Variants in SGPL1 observed in about 807,000 individuals in gnomAD.
The protein encoded by SGPL1 is SP-lyase 1.
In SGPL1, 37 loss-of-function variants were observed where a neutral mutation model predicts 68.9. The observed-to-expected ratio is 0.54, with a 90% confidence interval of 0.41 to 0.71. The LOEUF (loss-of-function observed/expected upper bound fraction) is 0.71. SGPL1 is among the 30% of genes least tolerant of loss of function. The pLI, the probability that SGPL1 is intolerant of heterozygous loss-of-function variation, is 0.00. For synonymous variants in SGPL1, 236 were observed against 248.5 expected (o/e 0.95, Z 0.47); for missense variants, 551 against 704.6 (o/e 0.78, Z 2.47).
At chr10:70,829,848 C>T (rs1396592551) in intron 2 of SGPL1, among the ~76,000 whole-genome samples, 1 of 152,156 alleles carries the variant, frequency 6.6e-6, no homozygotes, top group Non-Finnish European at 1.5e-5. Context: ...GGTCACTGTC[C>T]TTTTCAGATA....
rs549246203 is a variant in SGPL1, at chr10:70,844,419, G to C, written c.28-54G>C. 16 of 1,524,724 alleles carry C rather than the reference G, an allele frequency of 1.0e-5. No individual in the cohort carries two copies. In the African/African-American group the frequency reaches 1.9e-4, roughly 18 times the overall value. 94.4% of individuals were successfully genotyped at this position (1,524,724 alleles called of 1,614,324 possible). A position where few individuals can be genotyped will look rare whatever the true frequency, so the allele number is the denominator to read the frequency against. On this transcript the variant is annotated intron_variant, in intron 2 of 14. Transcript: ENST00000373202. ...AGAGTTGAAGTACAAACTAAGAACA[G>C]ACTTCTTTTCTCTCTCTAAATGTAA...
At chr10:70,837,116 C>T (rs1845638757) in intron 2 of SGPL1, among the ~76,000 whole-genome samples, 1 of 150,470 alleles carries the variant, frequency 6.6e-6, no homozygotes, top group Non-Finnish European at 1.5e-5. Context: ...CTTGCTCTGT[C>T]ACCCAGGCTG....
rs138893106 is a variant in SGPL1, at chr10:70,867,685, G to A, written c.616-660G>A. ...ATTTATAGTCCAGTGAGGGAAATAAGATGAATAAAAAGACCCCTACGTCTT... is the reference window on the plus strand; with the variant it reads ...ATTTATAGTCCAGTGAGGGAAATAAAATGAATAAAAAGACCCCTACGTCTT... On this transcript the variant is annotated intron_variant, in intron 7 of 14. Transcript: ENST00000373202. Among the ~76,000 whole-genome samples, 929 of 152,232 alleles carry A rather than the reference G, an allele frequency of 6.1e-3. 5 individuals carry two copies. Among genetic ancestry groups the A allele is most frequent in the African/African-American group, 0.021 (886 of 41,532 alleles).
At chr10:70,825,287 G>T (rs1051765416) in intron 2 of SGPL1, among the ~76,000 whole-genome samples, 2 of 152,164 alleles carry the variant, frequency 1.3e-5, no homozygotes, top group Non-Finnish European at 2.9e-5. Flanking sequence ...CCTCCCATTG[G>T]TCTAATACAA....
intron 9 of SGPL1, 138 bp downstream of exon 9, chr10:70,870,035 A>G (rs1310193126): frequency 1.7e-6 from 1 of 604,476 alleles, no homozygotes. Context: ...CTGCATTGAT[A>G]GTGGTGATTG....
In SGPL1 at chr10:70,877,288, A is replaced by G. The variant is rs371661185; in HGVS notation, c.1660A>G (p.Thr554Ala). 9 of 1,614,210 alleles carry G rather than the reference A, an allele frequency of 5.6e-6. No homozygotes were observed. The highest frequency in any genetic ancestry group is 5.3e-5 in the African/African-American group (4 of 75,064). Reference protein sequence around the residue: ...VFLDSLYSTDTVTQGSQMNGS... With the variant: ...VFLDSLYSTDAVTQGSQMNGS... ...CTTGGACAGCTTGTACAGCACCGACACTGTCACCCAGGGCAGCCAGATGAA... is the reference window on the plus strand; with the variant it reads ...CTTGGACAGCTTGTACAGCACCGACGCTGTCACCCAGGGCAGCCAGATGAA... The change falls in exon 15 of 15, where the codon ACT (threonine) becomes GCT (alanine). Residue 554 changes from threonine (T) to alanine (A), a missense_variant. Physicochemically the swap from Thr to Ala is moderately conservative, Grantham distance 58 (BLOSUM62 0). Coordinates refer to ENST00000373202, the MANE Select transcript of SGPL1 (RefSeq NM_003901.4).
At chr10:70,853,630 T>C (rs889807400) in intron 4 of SGPL1, among the ~76,000 whole-genome samples, 2 of 152,216 alleles carry the variant, frequency 1.3e-5, no homozygotes, top group Non-Finnish European at 2.9e-5. Context: ...TTGTTCACTA[T>C]GTGTCCCTGG....
chr10:70,867,706 G>A (rs866834231), intron 7 of SGPL1, among the ~76,000 whole-genome samples: 35 of 152,076 alleles, frequency 2.3e-4, no homozygotes, highest in African/African-American at 8.0e-4. Flanking sequence ...AGACCCCTAC[G>A]TCTTTTTGTT....
chr10:70,840,621 T>C (rs1845699509), intron 2 of SGPL1, among the ~76,000 whole-genome samples: 1 of 152,090 alleles, frequency 6.6e-6, no homozygotes, highest in Non-Finnish European at 1.5e-5. Flanking sequence ...CTCAAAAAGC[T>C]TGTCAGGACC....
chr10:70,837,715 A>T (rs1259496128), intron 2 of SGPL1, among the ~76,000 whole-genome samples: 1 of 152,224 alleles, frequency 6.6e-6, no homozygotes, highest in East Asian at 1.9e-4. Context: ...TGGAGATGCC[A>T]TTGCTTTTGA....
At chr10:70,861,662 C>G (rs897342422) in intron 7 of SGPL1, among the ~76,000 whole-genome samples, 1 of 152,224 alleles carries the variant, frequency 6.6e-6, no homozygotes, top group Non-Finnish European at 1.5e-5. Context: ...TGAGCCGGAA[C>G]CAGGGCTGCG....
intron 2 of SGPL1, among the ~76,000 whole-genome samples, chr10:70,840,169 G>A (rs1031197008): frequency 1.2e-4 from 18 of 152,210 alleles, no homozygotes; most frequent in Middle Eastern, 3.4e-3. Context: ...CTCTGCCCAT[G>A]AATACTGAAA....
chr10:70,830,487 A>G (rs1845515865), intron 2 of SGPL1, among the ~76,000 whole-genome samples: 1 of 152,188 alleles, frequency 6.6e-6, no homozygotes, highest in African/African-American at 2.4e-5. Context: ...ATGTTGTAGC[A>G]TGGATCAGAA....
chr10:70,857,528 G>T, intron 5 of SGPL1, 86 bp from the exon 6 acceptor site: 1 of 1,057,806 alleles, frequency 9.5e-7, no homozygotes. Flanking sequence ...TGTATCCAGA[G>T]GAGTTTCTTC....
At chr10:70,847,673 A>G (rs952926765) in intron 3 of SGPL1, among the ~76,000 whole-genome samples, 5 of 152,242 alleles carry the variant, frequency 3.3e-5, no homozygotes, top group Non-Finnish European at 5.9e-5. Context: ...AATTTAGCAC[A>G]TACACACACA....
At position 70,816,784 on chromosome 10, in the gene SGPL1, G is replaced by T; in HGVS notation, c.-43-27G>T. 3 of 1,513,746 alleles carry T rather than the reference G, an allele frequency of 2.0e-6. No individual in the cohort carries two copies. The East Asian group carries it at 6.8e-5, about 34-fold the overall frequency. 93.8% of individuals were successfully genotyped at this position (1,513,746 alleles called of 1,614,324 possible). On this transcript the variant is annotated intron_variant, in intron 1 of 14. Transcript: ENST00000373202. ...GGCGAGACAGTTTAAAGCTCTAGAAGTAAACAAACCTGGTTCCCTTTTACA... is the reference window on the plus strand; with the variant it reads ...GGCGAGACAGTTTAAAGCTCTAGAATTAAACAAACCTGGTTCCCTTTTACA...
intron 8 of SGPL1, chr10:70,869,332 G>A (rs1257564478): frequency 6.6e-6 from 1 of 152,506 alleles, no homozygotes; most frequent in African/African-American, 2.4e-5. Context: ...TTCAGAGTTG[G>A]AAGGGGCCAC....
At chr10:70,872,061 C>T in intron 11 of SGPL1, 75 bp downstream of exon 11, 1 of 1,421,156 alleles carries the variant, frequency 7.0e-7, no homozygotes. Flanking sequence ...TGGTAGCTTC[C>T]CCGCAAAGTA....
intron 7 of SGPL1, among the ~76,000 whole-genome samples, chr10:70,864,848 A>C (rs772048242): frequency 5.3e-5 from 8 of 152,202 alleles, no homozygotes; most frequent in African/African-American, 1.7e-4. Context: ...GCTTTGTTCT[A>C]TCTGTATTAG....
Sources: allele counts gnomAD v4.1 joint callset (sites outside exome capture counted in the v4.1 genomes callset), GRCh38; gene constraint gnomAD v4.1.1; transcripts MANE v1.5; gene names NCBI Gene and HGNC (gene_info 2026-07-23, HGNC 2026-07-21).